Variants in SLC23A2 observed in about 807,000 individuals in gnomAD.
SLC23A2 encodes Na(+)/L-ascorbic acid transporter 2.
A neutral mutation model predicts 73.3 loss-of-function variants in SLC23A2; 36 were observed. The observed-to-expected ratio is 0.49, with a 90% CI of 0.38 to 0.65. SLC23A2 has a LOEUF of 0.65. SLC23A2 is among the 30% of genes least tolerant of loss of function. The probability of loss-of-function intolerance (pLI) is 0.00; values close to 1 mark genes in which losing one functional copy is unlikely to be tolerated. For synonymous variants in SLC23A2, 343 were observed against 327.3 expected, an observed-to-expected ratio of 1.05 and a Z score of -0.52; for missense variants, 507 against 841.6, an observed-to-expected ratio of 0.60 and a Z score of 4.92.
chr20:4,912,399 C>A (rs1776968), intron 4 of SLC23A2, among the ~76,000 whole-genome samples: 71,342 of 151,804 alleles, frequency 0.47, 16,966 homozygotes, highest in East Asian at 0.65. Flanking sequence ...GCACATGTAT[C>A]TGTAACAGGC....
rs1346002131 is a variant in SLC23A2 at position 4,947,964 on chromosome 20, AT to A, written c.-154-15249del. 1.3e-5 allele frequency among the ~76,000 whole-genome samples: 2 copies of A among 152,176 alleles called. No homozygotes were observed. Among genetic ancestry groups the A allele is most frequent in the African/African-American group, 4.8e-5 (2 of 41,454 alleles). ...CAATACAAAAATCTTGGGAGCCTGG[AT>A]AACTTCCAGGAGATGGCTGTGCCCT... On this transcript the variant is annotated intron_variant, in intron 2 of 16. Coordinates refer to ENST00000338244, the MANE Select transcript of SLC23A2 (RefSeq NM_005116.6). The surrounding 1 kb of genome is among the most constrained non-coding windows in gnomAD (Gnocchi z 4.4).
intron 6 of SLC23A2, among the ~76,000 whole-genome samples, chr20:4,890,271 T>G (rs1931280128): frequency 6.6e-6 from 1 of 152,110 alleles, no homozygotes; most frequent in Admixed American, 6.6e-5. Flanking sequence ...TGAAAAATAA[T>G]CCTTAAGAGA....
intron 9 of SLC23A2, among the ~76,000 whole-genome samples, chr20:4,876,711 C>A (rs3787459): frequency 0.23 from 34,430 of 152,078 alleles, 3,978 homozygotes; most frequent in Middle Eastern, 0.28. Context: ...GACAGATAAG[C>A]AGAAAGAAAA....
At chr20:4,962,823 C>T (rs1374371884) in intron 2 of SLC23A2, among the ~76,000 whole-genome samples, 4 of 152,070 alleles carry the variant, frequency 2.6e-5, no homozygotes, top group African/African-American at 9.7e-5. Flanking sequence ...CATGGTAAAA[C>T]CCCATCTCTA....
intron 2 of SLC23A2, among the ~76,000 whole-genome samples, chr20:4,953,928 G>A (rs1398545188): frequency 6.6e-6 from 1 of 151,978 alleles, no homozygotes; most frequent in Non-Finnish European, 1.5e-5. Context: ...CAACCCCCAA[G>A]ATAGACCTTA....
intron 1 of SLC23A2, among the ~76,000 whole-genome samples, chr20:4,976,457 C>T (rs2087645930): frequency 6.7e-6 from 1 of 149,172 alleles, no homozygotes; most frequent in South Asian, 2.1e-4. Context: ...GGGCGGATCA[C>T]CTGAGGTCGG....
chr20:4,951,586 A>C (rs2087203571), intron 2 of SLC23A2, among the ~76,000 whole-genome samples: 1 of 152,210 alleles, frequency 6.6e-6, no homozygotes, highest in Non-Finnish European at 1.5e-5. Context: ...AGGCAAATCC[A>C]GAGGCAGAAA....
At chr20:4,860,025 T>A (rs1929894906) in intron 15 of SLC23A2, among the ~76,000 whole-genome samples, 1 of 152,124 alleles carries the variant, frequency 6.6e-6, no homozygotes, top group South Asian at 2.1e-4. Context: ...ACATGGCTAA[T>A]GGGATAGTAA....
At chr20:4,976,590 T>A (rs539005413) in intron 1 of SLC23A2, among the ~76,000 whole-genome samples, 76 of 149,014 alleles carry the variant, frequency 5.1e-4, no homozygotes, top group African/African-American at 1.8e-3. Context: ...GCAAGAGAAT[T>A]GCTTGAACCC....
chr20:4,890,443 A>G (rs1707988535), intron 6 of SLC23A2, among the ~76,000 whole-genome samples: 1 of 152,156 alleles, frequency 6.6e-6, no homozygotes, highest in African/African-American at 2.4e-5. Flanking sequence ...ACCTGAGGTC[A>G]TGAGTTCGAG....
intron 13 of SLC23A2, 122 bp downstream of exon 13, chr20:4,867,648 A>C: frequency 2.3e-6 from 1 of 426,848 alleles, no homozygotes; most frequent in Non-Finnish European, 4.1e-6. Flanking sequence ...AAAAAAAAAA[A>C]GGAGAGAAGT....
intron 1 of SLC23A2, among the ~76,000 whole-genome samples, chr20:4,973,731 G>A (rs776919093): frequency 2.6e-5 from 4 of 152,150 alleles, no homozygotes; most frequent in African/African-American, 4.8e-5. Flanking sequence ...GCAAGGCTAC[G>A]GGGCTGAGAT....
At chr20:4,991,030 T>A (rs551310950) in intron 1 of SLC23A2, among the ~76,000 whole-genome samples, 172 of 151,904 alleles carry the variant, frequency 1.1e-3, no homozygotes, top group Admixed American at 2.6e-3. Flanking sequence ...TATACTTGCT[T>A]TATACCTGCT....
At position 4,887,866 on chromosome 20, in the gene SLC23A2, A is replaced by G. The variant is rs72552246; in HGVS notation, c.483-1957T>C. Among the ~76,000 whole-genome samples, 399 of 152,336 alleles carry G rather than the reference A, an allele frequency of 2.6e-3. 1 individual carries two copies. The highest frequency in any genetic ancestry group is 8.6e-3 in the African/African-American group (357 of 41,574). On this transcript the variant is annotated intron_variant, in intron 6 of 16. Transcript: ENST00000338244. ...TGGCTTGACTGAAACGTTCTTAGGG[A>G]AAGTTGCAACAAGAGCATATGCACA...
intron 9 of SLC23A2, among the ~76,000 whole-genome samples, chr20:4,875,756 A>T (rs1930631557): frequency 6.6e-6 from 1 of 152,200 alleles, no homozygotes; most frequent in Admixed American, 6.5e-5. Context: ...ACTCGTGCCC[A>T]ACAATGCGTC....
intron 2 of SLC23A2, among the ~76,000 whole-genome samples, chr20:4,966,309 A>G (rs1412788973): frequency 6.6e-6 from 1 of 152,098 alleles, no homozygotes; most frequent in Non-Finnish European, 1.5e-5. Flanking sequence ...CCTGAAATAG[A>G]AGGGGCTTAC....
chr20:4,999,337 A>C (rs960205155), intron 1 of SLC23A2, among the ~76,000 whole-genome samples: 1 of 152,046 alleles, frequency 6.6e-6, no homozygotes, highest in African/African-American at 2.4e-5. Flanking sequence ...CTGGTCACCA[A>C]GTGGATGGAT....
intron 1 of SLC23A2, among the ~76,000 whole-genome samples, chr20:4,983,225 GA>G (rs1174565739): frequency 6.6e-6 from 1 of 152,158 alleles, no homozygotes; most frequent in African/African-American, 2.4e-5. Context: ...AGAAAACTGA[GA>G]GGGGGTAAAT....
chr20:4,873,795 T>C (rs1298180381), intron 11 of SLC23A2, 141 bp downstream of exon 11: 1 of 737,696 alleles, frequency 1.4e-6, no homozygotes, highest in Non-Finnish European at 2.2e-6. Context: ...CTCCCTTACT[T>C]GCTGTCTAAT....
Sources: allele counts gnomAD v4.1 joint callset (sites outside exome capture counted in the v4.1 genomes callset), GRCh38; gene constraint gnomAD v4.1.1; non-coding constraint Gnocchi (gnomAD v3.1); transcripts MANE v1.5; gene names NCBI Gene and HGNC (gene_info 2026-07-23, HGNC 2026-07-21).